The following CNTNAP3B variants were observed in gnomAD, a reference collection of about 807,000 sequenced individuals.
CNTNAP3B encodes contactin associated protein family member 3B.
A neutral mutation model predicts 108.9 loss-of-function variants in CNTNAP3B; 25 were observed. That is an observed-to-expected ratio of 0.23 (90% CI 0.17 to 0.32). The LOEUF (loss-of-function observed/expected upper bound fraction) is 0.32. Among genes scored for constraint, CNTNAP3B ranks in the 10% least tolerant of loss-of-function variants. CNTNAP3B has a pLI of 1.00. For missense variants in CNTNAP3B, 252 were observed against 1,210.4 expected (o/e 0.21, Z 11.75); for synonymous variants, 103 against 473.4 (o/e 0.22, Z 10.16).
chr9:41,954,368 C>T (rs1312637113), intron 12 of CNTNAP3B, among the ~76,000 whole-genome samples: 1 of 152,246 alleles, frequency 6.6e-6, no homozygotes, highest in Non-Finnish European at 1.5e-5. Flanking sequence ...GTGCGTAAGA[C>T]AAATTTCACA....
At chr9:42,098,113 T>C (rs1827947386) in intron 2 of CNTNAP3B, among the ~76,000 whole-genome samples, 1 of 139,808 alleles carries the variant, frequency 7.2e-6, no homozygotes, top group African/African-American at 2.8e-5. Context: ...GTGATCTTCA[T>C]GGAGTAAGGT....
At chr9:41,929,976 C>T (rs1288735240) in intron 14 of CNTNAP3B, among the ~76,000 whole-genome samples, 2 of 152,150 alleles carry the variant, frequency 1.3e-5, no homozygotes, top group Non-Finnish European at 2.9e-5. Flanking sequence ...GGTAACTTCC[C>T]TTCTAAAATT....
chr9:41,949,936 T>C (rs1824628131), intron 13 of CNTNAP3B, among the ~76,000 whole-genome samples: 1 of 152,138 alleles, frequency 6.6e-6, no homozygotes, highest in Non-Finnish European at 1.5e-5. Context: ...AGTCGATGAA[T>C]AGGCAAGCAA....
At chr9:41,894,375 A>T (rs1823383887) in intron 23 of CNTNAP3B, among the ~76,000 whole-genome samples, 1 of 91,766 alleles carries the variant, frequency 1.1e-5, no homozygotes, top group South Asian at 3.6e-4. Context: ...TGATCCTCTC[A>T]CCTTGGCCTC....
At chr9:41,962,336 G>A (rs1191713168) in intron 11 of CNTNAP3B, among the ~76,000 whole-genome samples, 1 of 152,276 alleles carries the variant, frequency 6.6e-6, no homozygotes, top group African/African-American at 2.4e-5. Context: ...ATTATTAGAT[G>A]AGACTGACAC....
intron 3 of CNTNAP3B, among the ~76,000 whole-genome samples, chr9:42,041,347 G>T (rs866108062): frequency 1.3e-3 from 201 of 150,622 alleles, no homozygotes; most frequent in African/African-American, 4.8e-3. Context: ...ATCTGACAAA[G>T]GGCTAATATC....
intron 14 of CNTNAP3B, among the ~76,000 whole-genome samples, chr9:41,936,077 C>A (rs1405154184): frequency 2.0e-5 from 3 of 152,252 alleles, no homozygotes; most frequent in Non-Finnish European, 4.4e-5. Context: ...AACAAAAAAA[C>A]AGTTGACCAG....
intron 3 of CNTNAP3B, among the ~76,000 whole-genome samples, chr9:42,076,436 A>G (rs1827491839): frequency 7.6e-6 from 1 of 131,492 alleles, no homozygotes; most frequent in Admixed American, 7.6e-5. Flanking sequence ...CTAAAAAAAA[A>G]AAAAAAAAAC....
chr9:41,915,716 T>G (rs1419883242), intron 18 of CNTNAP3B, among the ~76,000 whole-genome samples: 11 of 146,194 alleles, frequency 7.5e-5, no homozygotes, highest in Non-Finnish European at 1.2e-4. Context: ...AAATGTTTTT[T>G]TTTTTCAGCA....
intron 15 of CNTNAP3B, chr9:41,926,805 G>A (rs1166749347): frequency 9.2e-5 from 14 of 152,292 alleles, no homozygotes; most frequent in Admixed American, 5.9e-4. Flanking sequence ...AACTGAAGGT[G>A]AATGACATAT....
In CNTNAP3B at chr9:42,115,048, C is replaced by T. The variant is rs1368610472; in HGVS notation, c.86-10309G>A. Among the ~76,000 whole-genome samples, 5 of 133,924 alleles carry T rather than the reference C, an allele frequency of 3.7e-5. 1 individual carries two copies. The highest frequency in any genetic ancestry group is 7.9e-5 in the Non-Finnish European group (5 of 63,436). 87.9% of individuals were successfully genotyped at this position (133,924 alleles called of 152,430 possible). A position where few individuals can be genotyped will look rare whatever the true frequency, so the allele number is the denominator to read the frequency against. On this transcript the variant is annotated intron_variant, in intron 1 of 23. Coordinates refer to ENST00000377561, the MANE Select transcript of CNTNAP3B (RefSeq NM_001201380.3). Reference sequence around the variant, plus strand: ...CAGCCTAGGTGACAGAGCAAGACTCCATATCGGAAAAAAAAAAGAAATACT... The same window carrying T: ...CAGCCTAGGTGACAGAGCAAGACTCTATATCGGAAAAAAAAAAGAAATACT...
chr9:41,959,235 T>C (rs1484741997), intron 12 of CNTNAP3B, among the ~76,000 whole-genome samples: 1 of 150,882 alleles, frequency 6.6e-6, no homozygotes, highest in Non-Finnish European at 1.5e-5. Flanking sequence ...AAGCAACTGC[T>C]TTTTGAAGGT....
intron 13 of CNTNAP3B, among the ~76,000 whole-genome samples, chr9:41,945,241 T>A (rs1824492205): frequency 6.6e-6 from 1 of 152,278 alleles, no homozygotes; most frequent in African/African-American, 2.4e-5. Context: ...AGAAATACCA[T>A]TTGACCCAGC....
At chr9:41,934,482 A>G (rs1824094327) in intron 14 of CNTNAP3B, among the ~76,000 whole-genome samples, 1 of 152,258 alleles carries the variant, frequency 6.6e-6, no homozygotes, top group African/African-American at 2.4e-5. Context: ...CGGCCTCCCA[A>G]AGTGCTGGGA....
intron 6 of CNTNAP3B, among the ~76,000 whole-genome samples, chr9:41,997,343 T>C (rs962523383): frequency 2.0e-5 from 3 of 152,218 alleles, no homozygotes; most frequent in African/African-American, 4.8e-5. Flanking sequence ...CATTTGTGGA[T>C]TTCCTAAACC....
At chr9:42,041,821 G>T (rs62553659) in intron 3 of CNTNAP3B, among the ~76,000 whole-genome samples, 1,661 of 143,538 alleles carry the variant, frequency 0.012, 10 homozygotes, top group South Asian at 0.049. Context: ...CAATAGCAAA[G>T]ACTTGGAACC....
At chr9:41,961,956 T>A (rs1406566409) in intron 11 of CNTNAP3B, among the ~76,000 whole-genome samples, 1 of 152,296 alleles carries the variant, frequency 6.6e-6, no homozygotes, top group South Asian at 2.1e-4. Context: ...TTTGTATATG[T>A]CTGGTAGGAT....
intron 15 of CNTNAP3B, among the ~76,000 whole-genome samples, chr9:41,924,483 A>G (rs1395004634): frequency 1.3e-5 from 2 of 152,298 alleles, no homozygotes; most frequent in Non-Finnish European, 2.9e-5. Context: ...TTTTTGGTCT[A>G]ACTGGGAAGG....
At chr9:41,927,991 T>C (rs1823866446) in intron 15 of CNTNAP3B, among the ~76,000 whole-genome samples, 1 of 148,956 alleles carries the variant, frequency 6.7e-6, no homozygotes, top group Non-Finnish European at 1.5e-5. Flanking sequence ...AAAACCATTT[T>C]TTCTTAAAAG....
Sources: allele counts gnomAD v4.1 joint callset (sites outside exome capture counted in the v4.1 genomes callset), GRCh38; gene constraint gnomAD v4.1.1; transcripts MANE v1.5; gene names NCBI Gene and HGNC (gene_info 2026-07-23, HGNC 2026-07-21).